TCTN2: variants seen among roughly 807,000 people sequenced by gnomAD.
TCTN2 encodes the protein tectonic-2.
TCTN2 carries 66 observed loss-of-function variants against 83.4 expected under a neutral mutation model. The observed-to-expected ratio is 0.79, with a 90% CI of 0.65 to 0.97. The LOEUF is 0.97. Among genes scored for constraint, TCTN2 ranks in the 50% least tolerant of loss-of-function variants. The pLI is 0.00. For missense variants in TCTN2, 794 were observed against 858.1 expected (o/e 0.93, Z 0.93); for synonymous variants, 301 against 326.7 (o/e 0.92, Z 0.85).
chr12:123,707,479 C>A, intron 17 of TCTN2, 125 bp from the exon 18 acceptor site: 1 of 895,084 alleles, frequency 1.1e-6, no homozygotes, highest in South Asian at 1.4e-5. Context: ...CTCAAGTGAT[C>A]CGCCCTCCTT....
At chr12:123,677,998 C>G (rs1955845570) in intron 4 of TCTN2, among the ~76,000 whole-genome samples, 1 of 152,168 alleles carries the variant, frequency 6.6e-6, no homozygotes, top group African/African-American at 2.4e-5. Flanking sequence ...TTCCTGACGC[C>G]CAGCCTAAGC....
chr12:123,705,582 G>A (rs1214223210), intron 15 of TCTN2, among the ~76,000 whole-genome samples: 1 of 152,132 alleles, frequency 6.6e-6, no homozygotes, highest in Non-Finnish European at 1.5e-5. Flanking sequence ...TGGTTCCAGT[G>A]TGGTCAGGGA....
chr12:123,706,757 G>A lies in TCTN2; in HGVS notation c.1801G>A (p.Gly601Arg), dbSNP rs1956234385. ...CTCAGTGAACTGGCAGTACCAGTGTGGGCTTACCTGTGAGCACAAGGCCGA... is the reference window on the plus strand; with the variant it reads ...CTCAGTGAACTGGCAGTACCAGTGTAGGCTTACCTGTGAGCACAAGGCCGA... The part of the protein sequence containing the change: ...FSSVNWQYQC[G>R]LTCEHKADLL... The change falls in exon 16 of 18, where the codon GGG becomes AGG. Residue 601 changes from glycine to arginine, a missense_variant. Gly to Arg is a moderately radical substitution (Grantham distance 125, BLOSUM62 -2). Transcript: ENST00000303372. The A allele has an allele frequency of 1.2e-6, 2 of 1,613,958 alleles. No individual in the cohort carries two copies. Among genetic ancestry groups the A allele is most frequent in the South Asian group, 2.2e-5 (2 of 91,076 alleles).
intron 14 of TCTN2, among the ~76,000 whole-genome samples, chr12:123,702,496 C>T (rs762086654): frequency 2.6e-5 from 4 of 151,830 alleles, no homozygotes; most frequent in Non-Finnish European, 4.4e-5. Context: ...TGAGGTGCCC[C>T]AGACCACTCT....
intron 14 of TCTN2, among the ~76,000 whole-genome samples, chr12:123,702,772 G>C (rs907985884): frequency 6.6e-6 from 1 of 152,230 alleles, no homozygotes; most frequent in Non-Finnish European, 1.5e-5. Context: ...CCAGGTTGAT[G>C]AGGTACGAAA....
chr12:123,694,219 T>G (rs1462199606), intron 9 of TCTN2, among the ~76,000 whole-genome samples: 2 of 152,006 alleles, frequency 1.3e-5, no homozygotes, highest in African/African-American at 4.8e-5. Flanking sequence ...GGTCTTGAAC[T>G]CCTGACCTCG....
At chr12:123,697,270 C>T (rs1956121394) in intron 13 of TCTN2, 72 bp downstream of exon 13, 2 of 1,094,578 alleles carry the variant, frequency 1.8e-6, no homozygotes, top group Non-Finnish European at 2.8e-6. Flanking sequence ...ACATGAATAT[C>T]AAAGACAGCA....
At chr12:123,692,306 A>G (rs979680776) in intron 8 of TCTN2, among the ~76,000 whole-genome samples, 1 of 152,144 alleles carries the variant, frequency 6.6e-6, no homozygotes, top group Non-Finnish European at 1.5e-5. Context: ...CGGCCTCCCA[A>G]AGTGCTGGGA....
At chr12:123,680,970 AAG>A (rs1955892590) in intron 5 of TCTN2, among the ~76,000 whole-genome samples, 1 of 152,086 alleles carries the variant, frequency 6.6e-6, no homozygotes, top group Non-Finnish European at 1.5e-5. Context: ...TAAAAAAAGA[AAG>A]AATAAGAAAG....
At chr12:123,678,109 C>T (rs1955847045) in intron 4 of TCTN2, among the ~76,000 whole-genome samples, 2 of 152,204 alleles carry the variant, frequency 1.3e-5, no homozygotes, top group South Asian at 2.1e-4. Flanking sequence ...GAGTGCGAGC[C>T]CCTCAGGGAA....
rs141185814 is a variant in TCTN2, at chr12:123,674,371, A to G, written c.463+561A>G. 6.3e-4 allele frequency among the ~76,000 whole-genome samples: 96 copies of G among 152,132 alleles called. No homozygotes were observed. In the East Asian group the frequency reaches 0.018, roughly 29 times the overall value. ...CTGCAACCTCCACTTCCTGGGCTTA[A>G]GCGATTCTCCTGCCTCAGCCTCCCG... On this transcript the variant is annotated intron_variant, in intron 4 of 17. Coordinates refer to ENST00000303372, the MANE Select transcript of TCTN2 (RefSeq NM_024809.5).
In TCTN2 at chr12:123,673,529, G is replaced by A. The variant is rs60577371; in HGVS notation, c.268-86G>A. ...TTTTATAAAATGAACGGAGGCTGAT[G>A]TGTACTTTTATTGTGTTTTCCATTA... On this transcript the variant is annotated intron_variant, in intron 3 of 17. Coordinates refer to ENST00000303372, the MANE Select transcript of TCTN2 (RefSeq NM_024809.5). The A allele has an allele frequency of 0.025, 32,974 of 1,312,650 alleles. 826 individuals are homozygous for A. The highest frequency in any genetic ancestry group is 0.11 in the African/African-American group (7,378 of 68,886). The allele number at this position is 1,312,650 out of a possible 1,614,324, so 81.3% of individuals were successfully genotyped here.
chr12:123,690,693 A>G lies in TCTN2; in HGVS notation c.1033+19A>G, dbSNP rs764631794. The G allele has an allele frequency of 6.2e-7, 1 of 1,613,520 alleles. No individual in the cohort carries two copies. Among genetic ancestry groups the G allele is most frequent in the Non-Finnish European group, 8.5e-7 (1 of 1,179,748 alleles). Reference sequence around the variant, plus strand: ...TTAGGAGGTATGTTACATTTCTTTGAAAAAAGAACACAGGCCCAAACATGA... The same window carrying G: ...TTAGGAGGTATGTTACATTTCTTTGGAAAAAGAACACAGGCCCAAACATGA... On this transcript the variant is annotated intron_variant, in intron 8 of 17. Transcript: ENST00000303372.
At chr12:123,692,605 T>C in intron 8 of TCTN2, 53 bp from the exon 9 acceptor site, 2 of 1,387,912 alleles carry the variant, frequency 1.4e-6, no homozygotes, top group Admixed American at 1.7e-5. Context: ...GTAAGTGTGA[T>C]CATGGTAGGC....
At chr12:123,687,181 G>T in intron 6 of TCTN2, 146 bp downstream of exon 6, 1 of 890,338 alleles carries the variant, frequency 1.1e-6, no homozygotes, top group Non-Finnish European at 1.8e-6. Context: ...CTAGATTTCA[G>T]TTAGCCAATT....
intron 17 of TCTN2, 151 bp from the exon 18 acceptor site, chr12:123,707,453 C>A: frequency 1.3e-6 from 1 of 749,492 alleles, no homozygotes; most frequent in Non-Finnish European, 2.4e-6. Context: ...GCTGGCCAGG[C>A]TGGTCTCGAA....
intron 13 of TCTN2, among the ~76,000 whole-genome samples, 199 bp from the exon 14 acceptor site, chr12:123,699,505 C>A (rs974526313): frequency 1.3e-5 from 2 of 152,132 alleles, no homozygotes; most frequent in Non-Finnish European, 2.9e-5. Context: ...TGTATGTTCT[C>A]CCCCAGGTGT....
intron 5 of TCTN2, among the ~76,000 whole-genome samples, chr12:123,681,051 T>C (rs1164871463): frequency 6.6e-6 from 1 of 151,912 alleles, no homozygotes; most frequent in Non-Finnish European, 1.5e-5. Flanking sequence ...GGTGGATCAC[T>C]TGAGTTCAGG....
At chr12:123,706,436 C>T (rs1323969934) in intron 15 of TCTN2, among the ~76,000 whole-genome samples, 2 of 152,176 alleles carry the variant, frequency 1.3e-5, no homozygotes, top group African/African-American at 4.8e-5. Flanking sequence ...CCTTTGATAG[C>T]ACCTGTATAC....
Sources: allele counts gnomAD v4.1 joint callset (sites outside exome capture counted in the v4.1 genomes callset), GRCh38; gene constraint gnomAD v4.1.1; transcripts MANE v1.5; gene names NCBI Gene and HGNC (gene_info 2026-07-23, HGNC 2026-07-21).